The following CFAP299 variants were observed in gnomAD, a reference collection of about 807,000 sequenced individuals.
CFAP299 encodes cilia- and flagella-associated protein 299.
Under a neutral mutation model 27.0 loss-of-function variants are expected in CFAP299, and 21 were observed. The observed-to-expected ratio is 0.78, with a 90% CI of 0.55 to 1.12. The LOEUF (loss-of-function observed/expected upper bound fraction) is 1.12, where lower values mean the gene tolerates loss of function less well. CFAP299 is among the 50% of genes most tolerant of loss of function. The pLI, the probability that CFAP299 is intolerant of heterozygous loss-of-function variation, is 0.00. For synonymous variants in CFAP299, 104 were observed against 98.1 expected, an observed-to-expected ratio of 1.06 and a Z score of -0.36; for missense variants, 310 against 276.6, an observed-to-expected ratio of 1.12 and a Z score of -0.86.
chr4:80,390,678 T>C (rs938216915), intron 2 of CFAP299, among the ~76,000 whole-genome samples: 5 of 145,498 alleles, frequency 3.4e-5, no homozygotes, highest in African/African-American at 1.0e-4. Context: ...TGTATACATG[T>C]ATACACACAT....
intron 3 of CFAP299, among the ~76,000 whole-genome samples, chr4:80,808,769 G>A (rs752013262): frequency 4.6e-5 from 7 of 152,008 alleles, no homozygotes; most frequent in Non-Finnish European, 1.0e-4. Context: ...TGAGGGTCTC[G>A]ATTCTGAGAG....
chr4:80,889,414 C>G (rs1245070332), intron 4 of CFAP299, among the ~76,000 whole-genome samples: 1 of 151,750 alleles, frequency 6.6e-6, no homozygotes, highest in Non-Finnish European at 1.5e-5. Context: ...TATGACCTAC[C>G]AAGATTGAAT....
intron 3 of CFAP299, among the ~76,000 whole-genome samples, chr4:80,821,098 C>T (rs953526667): frequency 1.3e-5 from 2 of 152,128 alleles, no homozygotes; most frequent in African/African-American, 4.8e-5. Context: ...AACAATTGCA[C>T]TAAGTGACTT....
At chr4:80,681,811 A>G (rs977905798) in intron 3 of CFAP299, among the ~76,000 whole-genome samples, 1 of 152,188 alleles carries the variant, frequency 6.6e-6, no homozygotes, top group African/African-American at 2.4e-5. Context: ...TTTGTGGGGA[A>G]ACATTTTGAT....
chr4:80,672,418 G>A (rs1578001133), intron 3 of CFAP299, among the ~76,000 whole-genome samples: 1 of 152,178 alleles, frequency 6.6e-6, no homozygotes, highest in African/African-American at 2.4e-5. Flanking sequence ...GTATTTTATG[G>A]AGGATTTTCA....
chr4:80,720,598 T>G (rs866940114), intron 3 of CFAP299, among the ~76,000 whole-genome samples: 7 of 152,058 alleles, frequency 4.6e-5, no homozygotes, highest in Admixed American at 2.0e-4. Flanking sequence ...AAACCTACCT[T>G]TTAAGGTAGG....
intron 2 of CFAP299, among the ~76,000 whole-genome samples, chr4:80,394,478 T>C (rs1162206013): frequency 2.0e-5 from 3 of 152,030 alleles, no homozygotes; most frequent in Non-Finnish European, 2.9e-5. Flanking sequence ...TTTTGGGGAC[T>C]TATCTAAGAA....
chr4:80,390,839 A>T (rs1252781394), intron 2 of CFAP299, among the ~76,000 whole-genome samples: 1 of 144,238 alleles, frequency 6.9e-6, no homozygotes, highest in African/African-American at 2.6e-5. Context: ...GTATATATGT[A>T]TATACACATA....
At position 80,392,078 on chromosome 4, in the gene CFAP299, G is replaced by A. The variant is rs563033966; in HGVS notation, c.242+29194G>A. Among the ~76,000 whole-genome samples, 26 of 152,256 alleles carry A rather than the reference G, an allele frequency of 1.7e-4. No homozygotes were observed. The South Asian group carries it at 4.6e-3, about 27-fold the overall frequency. On this transcript the variant is annotated intron_variant, in intron 2 of 5. Coordinates refer to ENST00000358105, the MANE Select transcript of CFAP299 (RefSeq NM_152770.3). ...TTGGATTTCTGACTTAGACCTTTTC[G>A]GCCTTACAGGCCTTTCTTTGGCCTG...
chr4:80,739,288 C>T (rs1175292424), intron 3 of CFAP299, among the ~76,000 whole-genome samples: 1 of 152,058 alleles, frequency 6.6e-6, no homozygotes, highest in Non-Finnish European at 1.5e-5. Context: ...AATTCTTGCT[C>T]TTTAGCATTA....
intron 4 of CFAP299, among the ~76,000 whole-genome samples, chr4:80,889,997 G>A (rs750333794): frequency 6.6e-6 from 1 of 152,074 alleles, no homozygotes; most frequent in Non-Finnish European, 1.5e-5. Flanking sequence ...ACCCATATAT[G>A]TCAGATCCAC....
intron 2 of CFAP299, among the ~76,000 whole-genome samples, chr4:80,484,959 AT>A (rs1388936154): frequency 1.3e-5 from 2 of 152,174 alleles, no homozygotes; most frequent in East Asian, 3.8e-4. Flanking sequence ...GCATTAGCAA[AT>A]TGCATTTTGA....
intron 4 of CFAP299, among the ~76,000 whole-genome samples, chr4:80,937,061 T>G (rs2110223912): frequency 1.3e-5 from 2 of 151,802 alleles, no homozygotes; most frequent in South Asian, 4.2e-4. Context: ...TGTTTTCTAC[T>G]GTTATTATAT....
intron 3 of CFAP299, among the ~76,000 whole-genome samples, chr4:80,714,916 GA>G (rs1187115934): frequency 6.6e-6 from 1 of 151,858 alleles, no homozygotes; most frequent in African/African-American, 2.4e-5. Context: ...GTTATTCCAG[GA>G]AAAAAATATC....
intron 3 of CFAP299, among the ~76,000 whole-genome samples, chr4:80,724,516 C>T (rs148853577): frequency 1.1e-3 from 170 of 152,142 alleles, no homozygotes; most frequent in African/African-American, 3.9e-3. Context: ...GCAACTATAG[C>T]CTCTTTTTGG....
At chr4:80,592,626 T>C (rs1232697779) in intron 3 of CFAP299, among the ~76,000 whole-genome samples, 1 of 152,180 alleles carries the variant, frequency 6.6e-6, no homozygotes, top group African/African-American at 2.4e-5. Flanking sequence ...CTATAATAAA[T>C]AACAGAGCTA....
chr4:80,645,053 T>C (rs893105196), intron 3 of CFAP299, among the ~76,000 whole-genome samples: 2 of 152,108 alleles, frequency 1.3e-5, no homozygotes, highest in Non-Finnish European at 2.9e-5. Flanking sequence ...ACATCCTCCT[T>C]GAGTTTCAGA....
intron 4 of CFAP299, among the ~76,000 whole-genome samples, chr4:80,887,952 C>A (rs181264307): frequency 1.3e-4 from 19 of 151,648 alleles, no homozygotes; most frequent in Admixed American, 3.9e-4. Context: ...CTCATGGTAA[C>A]CTCAACCAAA....
chr4:80,480,639 A>AT (rs1163425769), intron 2 of CFAP299, among the ~76,000 whole-genome samples: 2 of 151,970 alleles, frequency 1.3e-5, no homozygotes, highest in African/African-American at 2.4e-5. Flanking sequence ...CTGCTCAGAG[A>AT]TTTTTTAGGC....
Sources: allele counts gnomAD v4.1 joint callset (sites outside exome capture counted in the v4.1 genomes callset), GRCh38; gene constraint gnomAD v4.1.1; transcripts MANE v1.5; gene names NCBI Gene and HGNC (gene_info 2026-07-23, HGNC 2026-07-21).